PRKAR1B: variants seen among roughly 807,000 people sequenced by gnomAD.
PRKAR1B encodes cAMP-dependent protein kinase type I-beta regulatory subunit.
A neutral mutation model predicts 46.5 loss-of-function variants in PRKAR1B; 22 were observed. The ratio of observed to expected loss-of-function variants is 0.47; its 90% CI spans 0.34 to 0.68. The LOEUF (loss-of-function observed/expected upper bound fraction) is 0.68. Among genes scored for constraint, PRKAR1B ranks in the 30% least tolerant of loss-of-function variants. PRKAR1B has a pLI of 0.01. For missense variants in PRKAR1B, 445 were observed against 535.6 expected (o/e 0.83, Z 1.67); for synonymous variants, 259 against 217.7 (o/e 1.19, Z -1.67).
At chr7:656,137 G>C (rs1444942327) in intron 4 of PRKAR1B, among the ~76,000 whole-genome samples, 1 of 152,234 alleles carries the variant, frequency 6.6e-6, no homozygotes, top group Non-Finnish European at 1.5e-5. Context: ...GGATTTACTG[G>C]ATGGGTGAAT....
chr7:658,352 T>G (rs1048373383), intron 4 of PRKAR1B, among the ~76,000 whole-genome samples: 2 of 152,156 alleles, frequency 1.3e-5, no homozygotes, highest in Non-Finnish European at 2.9e-5. Flanking sequence ...GGAGGATCAC[T>G]GGAGCCCATG....
chr7:587,453 G>A (rs1780663667), intron 7 of PRKAR1B, among the ~76,000 whole-genome samples: 1 of 152,234 alleles, frequency 6.6e-6, no homozygotes, highest in Non-Finnish European at 1.5e-5. Flanking sequence ...GTTACCCACT[G>A]CCGTGGTGAA....
chr7:718,924 T>G (rs1366282640), intron 1 of PRKAR1B, among the ~76,000 whole-genome samples: 2 of 142,974 alleles, frequency 1.4e-5, no homozygotes, highest in African/African-American at 5.2e-5. Flanking sequence ...CAGGCTGGAG[T>G]GCGGTGGCAT....
chr7:650,345 C>T (rs910566642), intron 4 of PRKAR1B, among the ~76,000 whole-genome samples: 1 of 152,192 alleles, frequency 6.6e-6, no homozygotes, highest in Non-Finnish European at 1.5e-5. Context: ...AACCACAGCC[C>T]CCAGAGCCAC....
chr7:549,405 G>A lies in PRKAR1B; in HGVS notation c.*1025C>T, dbSNP rs1319679361. 1 of 152,270 alleles carries A rather than the reference G, an allele frequency of 6.6e-6. No homozygotes were observed. The highest frequency in any genetic ancestry group is 1.9e-4 in the East Asian group (1 of 5,176). 9.4% of individuals were successfully genotyped at this position (152,270 alleles called of 1,614,324 possible). On this transcript the variant is annotated 3_prime_UTR_variant, in exon 11 of 11. Coordinates refer to ENST00000537384, the MANE Select transcript of PRKAR1B (RefSeq NM_001164760.2). ...CTCGGACCAAGGACAGCCTCCCCGG[G>A]ACGCACGGGACAGGAGCAACATCAG...
intron 4 of PRKAR1B, among the ~76,000 whole-genome samples, chr7:668,902 G>C (rs769984509): frequency 1.3e-5 from 2 of 152,002 alleles, no homozygotes; most frequent in Non-Finnish European, 2.9e-5. Context: ...CTCTGAGTTC[G>C]GTCAGGCTGG....
intron 9 of PRKAR1B, among the ~76,000 whole-genome samples, chr7:575,404 T>C (rs1465868713): frequency 6.6e-6 from 1 of 152,214 alleles, no homozygotes; most frequent in African/African-American, 2.4e-5. Context: ...CACCCAGTCT[T>C]GGGTAACCTA....
chr7:596,725 C>T (rs1781288420), intron 6 of PRKAR1B, among the ~76,000 whole-genome samples: 1 of 152,258 alleles, frequency 6.6e-6, no homozygotes, highest in African/African-American at 2.4e-5. Flanking sequence ...GAGCTGGAGC[C>T]TGTGATCCCC....
intron 4 of PRKAR1B, among the ~76,000 whole-genome samples, chr7:655,953 C>G (rs781752645): frequency 6.6e-6 from 1 of 152,148 alleles, no homozygotes; most frequent in African/African-American, 2.4e-5. Context: ...GGTCTGCCCC[C>G]GCGTAAGTGG....
intron 2 of PRKAR1B, among the ~76,000 whole-genome samples, chr7:694,466 C>CA (rs1482080062): frequency 6.6e-6 from 1 of 151,958 alleles, no homozygotes; most frequent in African/African-American, 2.4e-5. Flanking sequence ...AGCCTGGAGT[C>CA]AGAGTAGCTT....
At chr7:689,410 T>A (rs1340625731) in intron 2 of PRKAR1B, among the ~76,000 whole-genome samples, 2 of 152,020 alleles carry the variant, frequency 1.3e-5, no homozygotes, top group Admixed American at 1.3e-4. Flanking sequence ...CGTGAGCCAC[T>A]GCACCTGGCA....
chr7:665,428 G>C (rs1399095308), intron 4 of PRKAR1B, among the ~76,000 whole-genome samples: 2 of 152,120 alleles, frequency 1.3e-5, no homozygotes, highest in African/African-American at 4.8e-5. Context: ...ACATGCCCGA[G>C]GCCCATGGCC....
intron 4 of PRKAR1B, among the ~76,000 whole-genome samples, chr7:656,522 T>C (rs1051661349): frequency 6.6e-6 from 1 of 152,032 alleles, no homozygotes; most frequent in African/African-American, 2.4e-5. Context: ...ACTAAATGTA[T>C]GGATAAGGGG....
rs1282787215 is a variant in PRKAR1B at position 644,842 on chromosome 7, C to T, written c.440+32387G>A. Among the ~76,000 whole-genome samples the T allele has an allele frequency of 1.3e-5, 2 of 152,176 alleles. No homozygotes were observed. Among genetic ancestry groups the T allele is most frequent in the African/African-American group, 4.8e-5 (2 of 41,460 alleles). ...AGGCTGGACCGGGCAGTGCCGTCGG[C>T]CAAAGGGTCCCGTGTGCTGCAGAGC... is the stretch of plus-strand genomic sequence containing the variant. On this transcript the variant is annotated intron_variant, in intron 4 of 10. Coordinates refer to ENST00000537384, the MANE Select transcript of PRKAR1B (RefSeq NM_001164760.2). The surrounding 1 kb of genome is among the most constrained non-coding windows in gnomAD (Gnocchi z 4.9).
intron 1 of PRKAR1B, among the ~76,000 whole-genome samples, chr7:717,657 C>T (rs1472718711): frequency 6.6e-6 from 1 of 152,172 alleles, no homozygotes; most frequent in Non-Finnish European, 1.5e-5. Context: ...GACCTTGCCT[C>T]AAAACCACAC....
At chr7:625,327 C>T (rs759708666) in intron 4 of PRKAR1B, among the ~76,000 whole-genome samples, 3 of 152,144 alleles carry the variant, frequency 2.0e-5, no homozygotes, top group South Asian at 2.1e-4. Context: ...AATCAACAAC[C>T]TAAGCTTCCA....
In PRKAR1B at chr7:550,370, C is replaced by T; in HGVS notation, c.*60G>A. The stretch of plus-strand genomic sequence containing the variant: ...CACAGCGGCTCCCGGGCCCCCGACA[C>T]AGACGAGCAGGGCACGGCCACCACA... On this transcript the variant is annotated 3_prime_UTR_variant, in exon 11 of 11. Transcript: ENST00000537384. The T allele has an allele frequency of 1.3e-6, 2 of 1,510,860 alleles. No homozygotes were observed. The highest frequency in any genetic ancestry group is 2.0e-5 in the Admixed American group (1 of 50,704). The allele number at this position is 1,510,860 out of a possible 1,614,324, so 93.6% of individuals were successfully genotyped here.
intron 2 of PRKAR1B, among the ~76,000 whole-genome samples, chr7:708,203 G>C (rs529500849): frequency 3.1e-4 from 46 of 150,408 alleles, no homozygotes; most frequent in African/African-American, 9.8e-4. Flanking sequence ...AATACACCTC[G>C]ATCTCGGACT....
intron 2 of PRKAR1B, among the ~76,000 whole-genome samples, chr7:694,311 G>C (rs767243884): frequency 3.3e-5 from 5 of 151,412 alleles, no homozygotes; most frequent in Admixed American, 6.6e-5. Context: ...AGTGAGACCC[G>C]GACTTGGGAA....
Sources: allele counts gnomAD v4.1 joint callset (sites outside exome capture counted in the v4.1 genomes callset), GRCh38; gene constraint gnomAD v4.1.1; non-coding constraint Gnocchi (gnomAD v3.1); transcripts MANE v1.5; gene names NCBI Gene and HGNC (gene_info 2026-07-23, HGNC 2026-07-21).